Variants in SLC16A10 observed in about 807,000 individuals in gnomAD.
SLC16A10 encodes the protein solute carrier family 16 member 10, also known as monocarboxylate transporter 10.
A neutral mutation model predicts 40.0 loss-of-function variants in SLC16A10; 27 were observed. That is an observed-to-expected ratio of 0.67 (90% CI 0.50 to 0.93). SLC16A10 has a LOEUF of 0.93. Among genes scored for constraint, SLC16A10 ranks in the 40% least tolerant of loss-of-function variants. SLC16A10 has a pLI of 0.00. For missense variants in SLC16A10, 529 were observed against 658.2 expected, an observed-to-expected ratio of 0.80 and a Z score of 2.15; for synonymous variants, 213 against 249.8, an observed-to-expected ratio of 0.85 and a Z score of 1.39.
chr6:111,177,462 G>T lies in SLC16A10; in HGVS notation c.739G>T (p.Ala247Ser), dbSNP rs780171639. Residue 247 changes from alanine (A) to serine (S), a missense_variant, in exon 3 of 6, where the codon GCT becomes TCT. Ala to Ser is a moderately conservative substitution (Grantham distance 99, BLOSUM62 1). Coordinates refer to ENST00000368851, the MANE Select transcript of SLC16A10 (RefSeq NM_018593.5). ...CATCTTCATGTTTGTTCTCTTTCTG[G>T]CTGGCTTTACTTACCGACCTCTTGC... is the stretch of plus-strand genomic sequence containing the variant. ...LCIFMFVLFLAGFTYRPLATS... is the reference protein window; with the variant it reads ...LCIFMFVLFLSGFTYRPLATS... The T allele has an allele frequency of 1.2e-6, 2 of 1,613,984 alleles. No homozygotes were observed. The highest frequency in any genetic ancestry group is 2.2e-5 in the East Asian group (1 of 44,874).
intron 1 of SLC16A10, among the ~76,000 whole-genome samples, chr6:111,124,735 T>C (rs1406096721): frequency 1.3e-5 from 2 of 152,154 alleles, no homozygotes; most frequent in African/African-American, 2.4e-5. Context: ...TGGCAGAGAG[T>C]AATAATTTTC....
rs1411546406 is a variant in SLC16A10, at chr6:111,227,548, C to T, written c.*5313C>T. 1.3e-5 allele frequency: 2 copies of T among 152,158 alleles called. No individual in the cohort carries two copies. Among genetic ancestry groups the T allele is most frequent in the African/African-American group, 2.4e-5 (1 of 41,430 alleles). 9.4% of individuals were successfully genotyped at this position (152,158 alleles called of 1,614,324 possible). A position where few individuals can be genotyped will look rare whatever the true frequency, so the allele number is the denominator to read the frequency against. On this transcript the variant is annotated 3_prime_UTR_variant, in exon 6 of 6. Transcript: ENST00000368851. ...ATCTTGAAACTCAGGACGTAGTTTA[C>T]TTAGCTTGCCTTTTTTAAAATTATC...
chr6:111,184,998 G>A (rs1041305365), intron 3 of SLC16A10, among the ~76,000 whole-genome samples: 5 of 151,482 alleles, frequency 3.3e-5, no homozygotes, highest in African/African-American at 1.2e-4. Context: ...AGCTAAGGGC[G>A]CTGAGCCACG....
chr6:111,088,204 C>A, intron 1 of SLC16A10, 109 bp downstream of exon 1: 1 of 1,166,172 alleles, frequency 8.6e-7, no homozygotes, highest in East Asian at 2.7e-5. Context: ...CGGTGGGTCC[C>A]TGTGCCAGAG....
chr6:111,217,541 C>G (rs368337503), intron 4 of SLC16A10, among the ~76,000 whole-genome samples: 1 of 152,162 alleles, frequency 6.6e-6, no homozygotes, highest in Admixed American at 6.5e-5. Context: ...GCTCCACCCC[C>G]CGGATTCACG....
intron 3 of SLC16A10, among the ~76,000 whole-genome samples, chr6:111,180,258 G>A (rs1000902594): frequency 1.4e-4 from 21 of 152,138 alleles, no homozygotes; most frequent in African/African-American, 5.1e-4. Flanking sequence ...TAAATAACTT[G>A]CTCAGCCAGG....
At chr6:111,093,210 C>CAAGAAAGAA (rs1771015540) in intron 1 of SLC16A10, among the ~76,000 whole-genome samples, 3 of 152,082 alleles carry the variant, frequency 2.0e-5, no homozygotes, top group Non-Finnish European at 4.4e-5. Context: ...AACTTTGTCT[C>CAAGAAAGAA]ACACACAAAA....
chr6:111,088,143 C>A, intron 1 of SLC16A10, 48 bp downstream of exon 1: 3 of 1,555,966 alleles, frequency 1.9e-6, no homozygotes, highest in Non-Finnish European at 2.6e-6. Context: ...CCGCGTGGGG[C>A]CCCCGAGCGC....
intron 1 of SLC16A10, among the ~76,000 whole-genome samples, chr6:111,136,677 C>A (rs746924780): frequency 3.4e-4 from 51 of 152,126 alleles, no homozygotes; most frequent in Admixed American, 1.2e-3. Flanking sequence ...CTAGTGGTTC[C>A]CTTGACTGAT....
intron 1 of SLC16A10, among the ~76,000 whole-genome samples, chr6:111,095,104 C>T (rs1269183641): frequency 1.3e-5 from 2 of 152,240 alleles, no homozygotes; most frequent in Non-Finnish European, 2.9e-5. Context: ...ACTCCCTACT[C>T]CGAAGGCCTG....
chr6:111,111,095 T>C (rs964767455), intron 1 of SLC16A10, among the ~76,000 whole-genome samples: 1 of 152,158 alleles, frequency 6.6e-6, no homozygotes, highest in African/African-American at 2.4e-5. Context: ...TCTGCTCTAA[T>C]ACCCTCCAAG....
intron 1 of SLC16A10, among the ~76,000 whole-genome samples, chr6:111,111,094 A>AGGCAAAT (rs1197719671): frequency 6.6e-6 from 1 of 152,128 alleles, no homozygotes; most frequent in African/African-American, 2.4e-5. Context: ...GTCTGCTCTA[A>AGGCAAAT]TACCCTCCAA....
At chr6:111,182,310 C>CTTTTTTTTTTTTTTTTTTTTT (rs372963281) in intron 3 of SLC16A10, among the ~76,000 whole-genome samples, 1 of 103,626 alleles carries the variant, frequency 9.7e-6, no homozygotes, top group African/African-American at 3.7e-5. Context: ...CTCTGGGTTT[C>CTTTTTTTTTTTTTTTTTTTTT]TTTTTTTTTT....
intron 3 of SLC16A10, among the ~76,000 whole-genome samples, chr6:111,204,009 T>A (rs1773215946): frequency 1.3e-5 from 2 of 152,128 alleles, no homozygotes; most frequent in Non-Finnish European, 1.5e-5. Flanking sequence ...ATGCCTCTTA[T>A]TTTTGTTTGT....
chr6:111,187,640 C>T (rs1772921461), intron 3 of SLC16A10, among the ~76,000 whole-genome samples: 1 of 152,122 alleles, frequency 6.6e-6, no homozygotes, highest in Non-Finnish European at 1.5e-5. Context: ...TAAATATGTA[C>T]ATAGAAACAG....
At chr6:111,131,750 G>A (rs534121932) in intron 1 of SLC16A10, among the ~76,000 whole-genome samples, 4 of 152,302 alleles carry the variant, frequency 2.6e-5, no homozygotes, top group South Asian at 2.1e-4. Context: ...GCTGAGGGCC[G>A]ACTAGAGGCA....
chr6:111,170,530 A>G (rs1269752984), intron 1 of SLC16A10, among the ~76,000 whole-genome samples: 2 of 152,150 alleles, frequency 1.3e-5, no homozygotes, highest in African/African-American at 2.4e-5. Flanking sequence ...GCTCACTGCA[A>G]CCACCATCTC....
intron 1 of SLC16A10, among the ~76,000 whole-genome samples, chr6:111,164,319 T>C (rs1381156564): frequency 2.6e-5 from 4 of 152,132 alleles, no homozygotes; most frequent in Non-Finnish European, 5.9e-5. Context: ...TGGTAAACCT[T>C]AGCAATTTTT....
intron 1 of SLC16A10, among the ~76,000 whole-genome samples, chr6:111,091,726 G>C (rs896638287): frequency 6.6e-6 from 1 of 152,068 alleles, no homozygotes; most frequent in African/African-American, 2.4e-5. Context: ...CTCTTCCCAC[G>C]CAATGGATAA....
Sources: allele counts gnomAD v4.1 joint callset (sites outside exome capture counted in the v4.1 genomes callset), GRCh38; gene constraint gnomAD v4.1.1; transcripts MANE v1.5; gene names NCBI Gene and HGNC (gene_info 2026-07-23, HGNC 2026-07-21).